The following FGF14 variants were observed in gnomAD, a reference collection of about 807,000 sequenced individuals.
FGF14 encodes fibroblast growth factor 14.
FGF14 carries 5 observed loss-of-function variants against 25.5 expected under a neutral mutation model. The observed-to-expected ratio is 0.20, with a 90% CI of 0.10 to 0.41. FGF14 has a LOEUF of 0.41. Among genes scored for constraint, FGF14 ranks in the 10% least tolerant of loss-of-function variants. FGF14 has a pLI of 1.00. For synonymous variants in FGF14, 138 were observed against 118.3 expected, an observed-to-expected ratio of 1.17 and a Z score of -1.08; for missense variants, 222 against 320.1, an observed-to-expected ratio of 0.69 and a Z score of 2.34.
rs546522165 is a variant in FGF14, at chr13:101,852,049, C to T, written c.408+16676G>A. Among the ~76,000 whole-genome samples, 13 of 152,060 alleles carry T rather than the reference C, an allele frequency of 8.5e-5. No individual in the cohort carries two copies. In the South Asian group the frequency reaches 1.7e-3, roughly 19 times the overall value. On this transcript the variant is annotated intron_variant, in intron 3 of 4. Transcript: ENST00000376143. ...TGCTTTTCTTTGGATAATCTGCTAG[C>T]GTAGAAAAGACTTTCCCAGTGGAAG...
intron 1 of FGF14, among the ~76,000 whole-genome samples, chr13:102,137,637 ATAAT>A (rs528513128): frequency 2.0e-3 from 301 of 152,238 alleles, no homozygotes; most frequent in Admixed American, 2.9e-3. Context: ...TCCAGGCATA[ATAAT>A]TAATAACTCC....
chr13:101,857,010 G>A (rs896355333), intron 3 of FGF14, among the ~76,000 whole-genome samples: 3 of 151,958 alleles, frequency 2.0e-5, no homozygotes, highest in East Asian at 1.9e-4. Context: ...TTAACGGGGA[G>A]TCATTAAGTA....
chr13:101,727,204 AG>A (rs568983849), intron 3 of FGF14, among the ~76,000 whole-genome samples: 8 of 152,166 alleles, frequency 5.3e-5, no homozygotes, highest in Non-Finnish European at 7.4e-5. Context: ...ATGTTTCCAT[AG>A]GAACAGTGAT....
chr13:102,038,871 T>G (rs761458967), intron 1 of FGF14, among the ~76,000 whole-genome samples: 1 of 152,216 alleles, frequency 6.6e-6, no homozygotes, highest in Non-Finnish European at 1.5e-5. Context: ...CATTAGCTTC[T>G]AGGAAAAACT....
At chr13:102,336,087 A>C (rs2056780236) in intron 1 of FGF14, among the ~76,000 whole-genome samples, 1 of 152,188 alleles carries the variant, frequency 6.6e-6, no homozygotes, top group Non-Finnish European at 1.5e-5. Flanking sequence ...GTGTTCAAGT[A>C]AAAAGAAGAG....
At position 102,103,244 on chromosome 13, in the gene FGF14, G is replaced by A. The variant is rs1416896982; in HGVS notation, c.209-227948C>T. On this transcript the variant is annotated intron_variant, in intron 1 of 4. Coordinates refer to the FGF14 transcript ENST00000376131. ...CAGGCTAAAAGTAAAAGCTGCCCAG[G>A]AAGAAAGAGAAAGTTCTGGAAGCAA... is the stretch of plus-strand genomic sequence containing the variant. Among the ~76,000 whole-genome samples, 5 of 152,068 alleles carry A rather than the reference G, an allele frequency of 3.3e-5. No homozygotes were observed. The East Asian group carries it at 9.6e-4, about 29-fold the overall frequency.
chr13:102,159,139 C>CAAAAAA (rs1228096265), intron 1 of FGF14, among the ~76,000 whole-genome samples: 14 of 73,584 alleles, frequency 1.9e-4, no homozygotes, highest in South Asian at 4.8e-4. Flanking sequence ...GACTCTGTCT[C>CAAAAAA]AAAAAAAAAA....
chr13:102,059,145 T>C (rs796310536), intron 1 of FGF14, among the ~76,000 whole-genome samples: 9 of 152,104 alleles, frequency 5.9e-5, no homozygotes, highest in African/African-American at 2.2e-4. Context: ...CTAGAGCAGA[T>C]TGAATGAGAT....
At chr13:102,105,812 A>C (rs2044879871) in intron 1 of FGF14, among the ~76,000 whole-genome samples, 1 of 152,188 alleles carries the variant, frequency 6.6e-6, no homozygotes, top group African/African-American at 2.4e-5. Flanking sequence ...TCAACCAATG[A>C]GTTAGGTAAT....
intron 1 of FGF14, among the ~76,000 whole-genome samples, chr13:102,280,212 T>C (rs575429183): frequency 2.0e-5 from 3 of 152,210 alleles, no homozygotes; most frequent in Non-Finnish European, 4.4e-5. Context: ...ACATGTCAGC[T>C]ACTAAAGAAT....
chr13:102,149,276 C>T (rs905580179), intron 1 of FGF14, among the ~76,000 whole-genome samples: 1 of 151,850 alleles, frequency 6.6e-6, no homozygotes. Context: ...TCTCTTATGG[C>T]GAATTCTAAG....
At chr13:101,949,201 A>G (rs1414649878) in intron 1 of FGF14, among the ~76,000 whole-genome samples, 8 of 152,158 alleles carry the variant, frequency 5.3e-5, no homozygotes, top group Non-Finnish European at 4.4e-5. Context: ...CATTTTGTGG[A>G]GATTGAAATC....
intron 1 of FGF14, among the ~76,000 whole-genome samples, chr13:102,234,608 T>C (rs1463543674): frequency 6.6e-6 from 1 of 152,186 alleles, no homozygotes; most frequent in African/African-American, 2.4e-5. Flanking sequence ...TTTTAAATAA[T>C]AGGCAATTTT....
At chr13:101,829,903 C>T (rs2042585048) in intron 3 of FGF14, among the ~76,000 whole-genome samples, 2 of 152,020 alleles carry the variant, frequency 1.3e-5, no homozygotes, top group South Asian at 4.1e-4. Context: ...ATGAGGCTCA[C>T]AATTTTTAAG....
chr13:101,751,686 T>G (rs948503033), intron 3 of FGF14, among the ~76,000 whole-genome samples: 3 of 152,136 alleles, frequency 2.0e-5, no homozygotes, highest in Admixed American at 2.0e-4. Context: ...CCAAGACCAT[T>G]AATTTACATA....
intron 2 of FGF14, among the ~76,000 whole-genome samples, chr13:101,872,491 T>C (rs974851820): frequency 6.6e-6 from 1 of 151,804 alleles, no homozygotes; most frequent in African/African-American, 2.4e-5. Context: ...TTTAAAGAAT[T>C]TTTCAGTGCT....
intron 1 of FGF14, among the ~76,000 whole-genome samples, chr13:102,262,313 T>A (rs1028521873): frequency 2.6e-5 from 4 of 152,274 alleles, no homozygotes; most frequent in Middle Eastern, 3.4e-3. Flanking sequence ...ACAATGGAAA[T>A]AAAAATTCAG....
At chr13:102,235,104 C>T (rs1005445372) in intron 1 of FGF14, among the ~76,000 whole-genome samples, 26 of 152,168 alleles carry the variant, frequency 1.7e-4, no homozygotes, top group African/African-American at 2.4e-5. Flanking sequence ...GGTTTACTCA[C>T]AAAGTCTACT....
chr13:102,183,697 C>A (rs995609510), intron 1 of FGF14, among the ~76,000 whole-genome samples: 2 of 152,118 alleles, frequency 1.3e-5, no homozygotes, highest in African/African-American at 4.8e-5. Flanking sequence ...AAGGCACAAG[C>A]TGAGATTTCC....
Sources: allele counts gnomAD v4.1 joint callset (sites outside exome capture counted in the v4.1 genomes callset), GRCh38; gene constraint gnomAD v4.1.1; transcripts MANE v1.5; gene names NCBI Gene and HGNC (gene_info 2026-07-23, HGNC 2026-07-21).